GPR161: variants seen among roughly 807,000 people sequenced by gnomAD.
GPR161 encodes G protein-coupled receptor 161, also known as G-protein coupled receptor RE2.
Under a neutral mutation model 39.2 loss-of-function variants are expected in GPR161, and 25 were observed. The observed-to-expected ratio is 0.64, with a 90% CI of 0.47 to 0.89. The LOEUF (loss-of-function observed/expected upper bound fraction) is 0.89, where lower values mean the gene tolerates loss of function less well. Ranked by LOEUF, GPR161 falls within the 40% of genes least tolerant of loss-of-function variation. GPR161 has a pLI of 0.00. For synonymous variants in GPR161, 286 were observed against 276.6 expected (o/e 1.03, Z -0.34); for missense variants, 547 against 677.8 (o/e 0.81, Z 2.14).
chr1:168,118,440 C>T (rs1376856058), intron 1 of GPR161, among the ~76,000 whole-genome samples: 7 of 151,894 alleles, frequency 4.6e-5, no homozygotes, highest in African/African-American at 1.7e-4. Flanking sequence ...GAGTGGTAGA[C>T]AATGGAGACT....
intron 1 of GPR161, among the ~76,000 whole-genome samples, chr1:168,116,193 T>C (rs981495532): frequency 6.6e-6 from 1 of 152,198 alleles, no homozygotes; most frequent in African/African-American, 2.4e-5. Flanking sequence ...CACCACTCCA[T>C]TGTCCACTCT....
Position 168,084,615 on chromosome 1 carries a change from T to C in GPR161, c.*916A>G, listed in dbSNP as rs192242700. ...GCAGAACTGAGGCCAGCTATTTTCA[T>C]TGGTCACTCAAACATCACACATAGA... is the stretch of plus-strand genomic sequence containing the variant. On this transcript the variant is annotated 3_prime_UTR_variant, in exon 6 of 6. Transcript: ENST00000682931. 792 of 359,862 alleles carry C rather than the reference T, an allele frequency of 2.2e-3. 14 individuals carry two copies. In the East Asian group the frequency reaches 0.045, roughly 21 times the overall value. 22.3% of individuals were successfully genotyped at this position (359,862 alleles called of 1,614,324 possible).
chr1:168,136,810 C>T lies in GPR161; in HGVS notation c.-116G>A, dbSNP rs1699418220. 1.0e-6 allele frequency: 1 copy of T among 985,332 alleles called. No homozygotes were observed. Among genetic ancestry groups the T allele is most frequent in the Non-Finnish European group, 1.2e-6 (1 of 830,290 alleles). 61.0% of individuals were successfully genotyped at this position (985,332 alleles called of 1,614,324 possible). On this transcript the variant is annotated 5_prime_UTR_variant, in exon 1 of 6. Coordinates refer to ENST00000682931, the MANE Select transcript of GPR161 (RefSeq NM_001375883.1). ...CCCGCCTCGGCCACCGCCGCCGCCGCTTCCTTCCTCCCCGCCGCGCTCCGG... is the reference window on the plus strand; with the variant it reads ...CCCGCCTCGGCCACCGCCGCCGCCGTTTCCTTCCTCCCCGCCGCGCTCCGG...
intron 1 of GPR161, among the ~76,000 whole-genome samples, chr1:168,121,019 T>C (rs1698120669): frequency 6.6e-6 from 1 of 152,182 alleles, no homozygotes; most frequent in African/African-American, 2.4e-5. Flanking sequence ...AAAAAACATA[T>C]CTAGGCATCT....
intron 3 of GPR161, 75 bp from the exon 4 acceptor site, chr1:168,090,743 AC>A: frequency 1.5e-6 from 1 of 672,740 alleles, no homozygotes. Context: ...TTCCCCACAG[AC>A]CCATCTCCTG....
chr1:168,081,069 G>A lies in GPR161; in HGVS notation c.*4462C>T, dbSNP rs1181809920. The A allele has an allele frequency of 6.6e-6, 1 of 151,974 alleles. No homozygotes were observed. The highest frequency in any genetic ancestry group is 1.5e-5 in the Non-Finnish European group (1 of 68,046). 9.4% of individuals were successfully genotyped at this position (151,974 alleles called of 1,614,324 possible). ...AGTAGAGACGGGGTTTCTCCATATT[G>A]GTCAGGCTGGTCTCGAACTCCTGAC... On this transcript the variant is annotated 3_prime_UTR_variant, in exon 6 of 6. Transcript: ENST00000682931.
intron 1 of GPR161, among the ~76,000 whole-genome samples, chr1:168,132,775 G>A (rs975815569): frequency 1.2e-4 from 19 of 152,052 alleles, no homozygotes; most frequent in Non-Finnish European, 2.1e-4. Context: ...ATGGAGTTTC[G>A]CTCTTGTTGC....
Position 168,099,051 on chromosome 1 carries a change from G to A in GPR161, c.375-1819C>T, listed in dbSNP as rs112322117. ...TGAGGAAGATCATGGAAAAGGCCCG[G>A]ATGGTGCCTACCCTTCAATGGGGGA... On this transcript the variant is annotated intron_variant, in intron 2 of 5. Coordinates refer to ENST00000682931, the MANE Select transcript of GPR161 (RefSeq NM_001375883.1). Among the ~76,000 whole-genome samples, 443 of 152,306 alleles carry A rather than the reference G, an allele frequency of 2.9e-3. 1 individual carries two copies. The highest frequency in any genetic ancestry group is 0.01 in the African/African-American group (421 of 41,556).
rs1293144672 is a variant in GPR161 at position 168,085,030 on chromosome 1, T to A, written c.*501A>T. On this transcript the variant is annotated 3_prime_UTR_variant, in exon 6 of 6. Transcript: ENST00000682931. ...GGTCCCACACTGCCCGCATCAACCA[T>A]GTAGAGGCACCAGGACGGTCGCGTG... The A allele has an allele frequency of 1.5e-5, 7 of 456,082 alleles. No individual in the cohort carries two copies. Among genetic ancestry groups the A allele is most frequent in the Admixed American group, 2.4e-5 (1 of 42,546 alleles). 28.3% of individuals were successfully genotyped at this position (456,082 alleles called of 1,614,324 possible).
rs146628389 is a variant in GPR161 at position 168,121,061 on chromosome 1, A to C, written c.-45+15678T>G. On this transcript the variant is annotated intron_variant, in intron 1 of 5. Coordinates refer to ENST00000682931, the MANE Select transcript of GPR161 (RefSeq NM_001375883.1). ...TAACTTCTCTGTCCAAAGGGATTGGATGAAGGAAGCCAGCTATTTCCACAG... is the reference window on the plus strand; with the variant it reads ...TAACTTCTCTGTCCAAAGGGATTGGCTGAAGGAAGCCAGCTATTTCCACAG... 3.5e-3 allele frequency among the ~76,000 whole-genome samples: 531 copies of C among 152,302 alleles called. 3 individuals are homozygous for C. Among genetic ancestry groups the C allele is most frequent in the African/African-American group, 0.011 (475 of 41,570 alleles).
At chr1:168,090,507 G>A in intron 4 of GPR161, 57 bp downstream of exon 4, 1 of 1,011,968 alleles carries the variant, frequency 9.9e-7, no homozygotes, top group East Asian at 2.4e-5. Flanking sequence ...CGACACGGGG[G>A]AAACGCAACA....
intron 1 of GPR161, chr1:168,136,118 G>A: frequency 7.9e-7 from 1 of 1,261,178 alleles, no homozygotes; most frequent in Non-Finnish European, 1.0e-6. Flanking sequence ...CCAAGAACCA[G>A]CCGAATCTCC....
At chr1:168,103,103 C>T (rs1298410654) in intron 2 of GPR161, among the ~76,000 whole-genome samples, 1 of 152,092 alleles carries the variant, frequency 6.6e-6, no homozygotes, top group Non-Finnish European at 1.5e-5. Flanking sequence ...GAATAGCAAG[C>T]TATGTGAAGT....
chr1:168,096,742 CA>C lies in GPR161; in HGVS notation c.864del (p.Val289SerfsTer34). ...CCCCAGAGGGCCTCAGAGGCGATGA[CA>C]ACCATGTAGGGGCCCCAGGTGACCA... ...AFMVTWGPYMVVIASEALWGK... is the reference protein window; with the variant it reads ...AFMVTWGPYMXVIASEALWGK... On this transcript the variant is annotated frameshift_variant, in exon 3 of 6. Coordinates refer to ENST00000682931, the MANE Select transcript of GPR161 (RefSeq NM_001375883.1). LOFTEE classifies it high-confidence loss of function. 6.2e-7 allele frequency: 1 copy of C among 1,614,060 alleles called. No homozygotes were observed. Among genetic ancestry groups the C allele is most frequent in the Non-Finnish European group, 8.5e-7 (1 of 1,180,022 alleles).
At chr1:168,127,578 T>C (rs796318458) in intron 1 of GPR161, among the ~76,000 whole-genome samples, 7 of 152,128 alleles carry the variant, frequency 4.6e-5, no homozygotes, top group African/African-American at 1.7e-4. Context: ...ATACCCAAGA[T>C]TGGGAAGAAA....
Position 168,104,197 on chromosome 1 carries a change from G to A in GPR161, c.374+280C>T, listed in dbSNP as rs184666266. Among the ~76,000 whole-genome samples the A allele has an allele frequency of 2.5e-3, 386 of 152,262 alleles. 1 individual carries two copies. Among genetic ancestry groups the A allele is most frequent in the Non-Finnish European group, 3.9e-3 (262 of 68,018 alleles). The stretch of plus-strand genomic sequence containing the variant: ...CGGAACTGAAACCTGCCTTGGCTTC[G>A]GCTTCTTCATCTACAAACCAAGAAT... On this transcript the variant is annotated intron_variant, in intron 2 of 5. Coordinates refer to ENST00000682931, the MANE Select transcript of GPR161 (RefSeq NM_001375883.1).
At chr1:168,097,599 CA>C (rs1695680563) in intron 2 of GPR161, among the ~76,000 whole-genome samples, 1 of 152,138 alleles carries the variant, frequency 6.6e-6, no homozygotes, top group South Asian at 2.1e-4. Context: ...CCATTTACAT[CA>C]ATTTTCAGAG....
chr1:168,103,637 T>C (rs1381665905), intron 2 of GPR161, among the ~76,000 whole-genome samples: 1 of 152,114 alleles, frequency 6.6e-6, no homozygotes, highest in Non-Finnish European at 1.5e-5. Flanking sequence ...CCAGTGACAA[T>C]ATCCCTGGCT....
chr1:168,087,270 G>A (rs1694600886), intron 5 of GPR161, among the ~76,000 whole-genome samples: 1 of 152,194 alleles, frequency 6.6e-6, no homozygotes, highest in Non-Finnish European at 1.5e-5. Context: ...GAGGCTCAGG[G>A]AAAGCAGGTT....
Sources: gnomAD v4.1 joint callset for allele counts (sites outside exome capture counted in the v4.1 genomes callset) on GRCh38, gnomAD v4.1.1 for gene constraint, MANE v1.5 for transcripts, NCBI Gene and HGNC (gene_info 2026-07-23, HGNC 2026-07-21) for gene names.